TAF3: variants seen among roughly 807,000 people sequenced by gnomAD.
The protein encoded by TAF3 is TATA-box binding protein associated factor 3.
Under a neutral mutation model 80.6 loss-of-function variants are expected in TAF3, and 7 were observed. That is an observed-to-expected ratio of 0.09 (90% CI 0.05 to 0.16). The LOEUF is 0.16. Among genes scored for constraint, TAF3 ranks in the 10% least tolerant of loss-of-function variants. The pLI, the probability that TAF3 is intolerant of heterozygous loss-of-function variation, is 1.00. For synonymous variants in TAF3, 444 were observed against 446.1 expected (o/e 1.00, Z 0.06); for missense variants, 921 against 1,140.2 (o/e 0.81, Z 2.77).
intron 4 of TAF3, among the ~76,000 whole-genome samples, chr10:7,999,946 A>G (rs372817827): frequency 6.6e-6 from 1 of 152,378 alleles, no homozygotes; most frequent in East Asian, 1.9e-4. Context: ...ACTATGGTCA[A>G]CATTTGCCTG....
At chr10:7,873,128 G>T (rs1040580985) in intron 2 of TAF3, among the ~76,000 whole-genome samples, 1 of 152,060 alleles carries the variant, frequency 6.6e-6, no homozygotes, top group African/African-American at 2.4e-5. Context: ...ATTTCATTCT[G>T]TGCTTTAATA....
chr10:7,837,758 AG>A (rs1250180885), intron 2 of TAF3, among the ~76,000 whole-genome samples: 1 of 152,128 alleles, frequency 6.6e-6, no homozygotes, highest in Non-Finnish European at 1.5e-5. Context: ...TGGGAGGTTG[AG>A]GCTGAGGCTG....
At chr10:7,856,333 A>G (rs900325994) in intron 2 of TAF3, among the ~76,000 whole-genome samples, 9 of 152,150 alleles carry the variant, frequency 5.9e-5, no homozygotes, top group African/African-American at 1.9e-4. Flanking sequence ...AAAATTAGCC[A>G]GGAGTGGTGG....
chr10:7,932,035 T>C (rs1837873532), intron 2 of TAF3, among the ~76,000 whole-genome samples: 1 of 152,166 alleles, frequency 6.6e-6, no homozygotes, highest in East Asian at 1.9e-4. Context: ...CCACCCTATA[T>C]AGAGATACAG....
At chr10:7,973,928 G>A (rs540541908) in intron 3 of TAF3, among the ~76,000 whole-genome samples, 1 of 152,198 alleles carries the variant, frequency 6.6e-6, no homozygotes, top group Non-Finnish European at 1.5e-5. Context: ...AGGAGTTTGA[G>A]ACCACCCTAG....
At position 8,009,591 on chromosome 10, in the gene TAF3, C is replaced by G. The variant is rs912586754; in HGVS notation, c.2568+261C>G. On this transcript the variant is annotated intron_variant, in intron 5 of 6. Coordinates refer to ENST00000344293, the MANE Select transcript of TAF3 (RefSeq NM_031923.4). The surrounding 1 kb of genome is among the most constrained non-coding windows in gnomAD (Gnocchi z 4.1). ...AAAGTGGTGGGGTTACAGGCCTGAG[C>G]CACTGCCCCTGGCCAGACACGTTTC... Among the ~76,000 whole-genome samples, 1 of 152,116 alleles carries G rather than the reference C, an allele frequency of 6.6e-6. No individual in the cohort carries two copies. Among genetic ancestry groups the G allele is most frequent in the African/African-American group, 2.4e-5 (1 of 41,506 alleles).
At chr10:7,839,339 T>G (rs1463029013) in intron 2 of TAF3, among the ~76,000 whole-genome samples, 1 of 152,182 alleles carries the variant, frequency 6.6e-6, no homozygotes, top group Non-Finnish European at 1.5e-5. Context: ...GCTTTCTCTT[T>G]AAGTCCTACA....
chr10:7,841,680 T>C (rs1836913714), intron 2 of TAF3, among the ~76,000 whole-genome samples: 1 of 152,056 alleles, frequency 6.6e-6, no homozygotes, highest in Admixed American at 6.6e-5. Context: ...TTGGGAGATA[T>C]TGGATGGTCA....
intron 4 of TAF3, among the ~76,000 whole-genome samples, chr10:8,000,532 C>T (rs547398550): frequency 6.1e-4 from 92 of 151,692 alleles, no homozygotes; most frequent in Non-Finnish European, 1.1e-3. Context: ...TTTGGGAGGC[C>T]GAGATGGGAG....
At chr10:7,993,087 A>G (rs755144257) in intron 4 of TAF3, among the ~76,000 whole-genome samples, 1 of 152,208 alleles carries the variant, frequency 6.6e-6, no homozygotes, top group Non-Finnish European at 1.5e-5. Context: ...AATATCTTCA[A>G]CAGTTTAACC....
intron 2 of TAF3, among the ~76,000 whole-genome samples, chr10:7,942,146 C>A (rs991386725): frequency 1.3e-5 from 2 of 152,056 alleles, no homozygotes; most frequent in African/African-American, 4.8e-5. Context: ...TCTTATAATT[C>A]TGATTTGGAA....
chr10:7,990,022 C>T (rs1053011233), intron 4 of TAF3, among the ~76,000 whole-genome samples: 19 of 146,066 alleles, frequency 1.3e-4, no homozygotes, highest in Middle Eastern at 3.6e-3. Context: ...TCTAAGAGAC[C>T]CAGTTAAAAT....
intron 4 of TAF3, among the ~76,000 whole-genome samples, chr10:7,995,070 C>G (rs1489910474): frequency 2.0e-5 from 3 of 151,202 alleles, no homozygotes; most frequent in Non-Finnish European, 4.4e-5. Flanking sequence ...TATAAAATAG[C>G]CTAAAAGTAA....
intron 3 of TAF3, among the ~76,000 whole-genome samples, chr10:7,970,390 T>C (rs1564374348): frequency 6.6e-6 from 1 of 152,282 alleles, no homozygotes; most frequent in Non-Finnish European, 1.5e-5. Flanking sequence ...TAGTGGTTCC[T>C]GTTTTACAGT....
At chr10:7,858,504 T>G (rs551585704) in intron 2 of TAF3, among the ~76,000 whole-genome samples, 1 of 152,350 alleles carries the variant, frequency 6.6e-6, no homozygotes, top group Admixed American at 6.5e-5. Flanking sequence ...GTTCCGGATC[T>G]TACTGATTAG....
intron 2 of TAF3, among the ~76,000 whole-genome samples, chr10:7,832,543 C>T (rs1348673552): frequency 1.3e-5 from 2 of 151,870 alleles, no homozygotes; most frequent in African/African-American, 4.8e-5. Context: ...TCATTTCTTT[C>T]TTATTTATTT....
At chr10:7,856,374 G>A (rs1837080032) in intron 2 of TAF3, among the ~76,000 whole-genome samples, 1 of 152,160 alleles carries the variant, frequency 6.6e-6, no homozygotes, top group Admixed American at 6.5e-5. Context: ...CAGCTACTCG[G>A]GAGGCCGAGG....
chr10:8,013,340 A>AT (rs982253200), intron 5 of TAF3, among the ~76,000 whole-genome samples: 32 of 152,184 alleles, frequency 2.1e-4, no homozygotes, highest in Non-Finnish European at 3.8e-4. Flanking sequence ...GTGGAGCTCT[A>AT]TAACTTTCAA....
chr10:7,863,393 C>T (rs1837167274), intron 2 of TAF3, among the ~76,000 whole-genome samples: 1 of 151,370 alleles, frequency 6.6e-6, no homozygotes, highest in South Asian at 2.1e-4. Context: ...GGCAGGTCAC[C>T]TGAGTTCAGG....
Sources: gnomAD v4.1 joint callset for allele counts (sites outside exome capture counted in the v4.1 genomes callset) on GRCh38, gnomAD v4.1.1 for gene constraint, Gnocchi (gnomAD v3.1) non-coding constraint, MANE v1.5 for transcripts, NCBI Gene and HGNC (gene_info 2026-07-23, HGNC 2026-07-21) for gene names.